SCAPER: variants seen among roughly 807,000 people sequenced by gnomAD.
SCAPER encodes S-phase cyclin A associated protein in the ER, also known as S phase cyclin A-associated protein in the endoplasmic reticulum.
SCAPER carries 98 observed loss-of-function variants against 182.2 expected under a neutral mutation model. The observed-to-expected ratio is 0.54, with a 90% CI of 0.46 to 0.64. The LOEUF (loss-of-function observed/expected upper bound fraction) is 0.64. Among genes scored for constraint, SCAPER ranks in the 30% least tolerant of loss-of-function variants. SCAPER has a pLI of 0.00. For missense variants in SCAPER, 1,432 were observed against 1,690.0 expected, an observed-to-expected ratio of 0.85 and a Z score of 2.68; for synonymous variants, 605 against 564.6, an observed-to-expected ratio of 1.07 and a Z score of -1.01.
At chr15:76,364,101 A>G (rs139921082) in intron 29 of SCAPER, among the ~76,000 whole-genome samples, 3 of 152,360 alleles carry the variant, frequency 2.0e-5, no homozygotes, top group Non-Finnish European at 4.4e-5. Context: ...AGAAAAGTTT[A>G]AAGAGTCTAT....
intron 29 of SCAPER, among the ~76,000 whole-genome samples, chr15:76,363,055 G>C (rs1462740719): frequency 1.3e-5 from 2 of 152,192 alleles, no homozygotes; most frequent in Non-Finnish European, 2.9e-5. Context: ...GCCTGCCACA[G>C]ACCAGAAGAC....
chr15:76,434,354 C>A (rs1299253184), intron 25 of SCAPER, 44 bp from the exon 26 acceptor site: 2 of 1,360,216 alleles, frequency 1.5e-6, no homozygotes, highest in South Asian at 2.6e-5. Context: ...AATAAAACCA[C>A]CAAAAATGGG....
chr15:76,587,281 A>C (rs1365079504), intron 22 of SCAPER, among the ~76,000 whole-genome samples: 2 of 151,776 alleles, frequency 1.3e-5, no homozygotes. Context: ...TTTGGTTTCT[A>C]TTTCATTTAG....
intron 20 of SCAPER, among the ~76,000 whole-genome samples, chr15:76,672,357 CAAAT>C (rs1344770686): frequency 3.3e-5 from 5 of 151,996 alleles, no homozygotes; most frequent in African/African-American, 9.7e-5. Flanking sequence ...CAGAAGAAAA[CAAAT>C]AAGCTGAATA....
Position 76,666,777 on chromosome 15 carries a change from C to T in SCAPER, c.2509-988G>A, listed in dbSNP as rs1368816156. Among the ~76,000 whole-genome samples, 4 of 152,268 alleles carry T rather than the reference C, an allele frequency of 2.6e-5. No individual in the cohort carries two copies. In the East Asian group the frequency reaches 5.8e-4, roughly 22 times the overall value. On this transcript the variant is annotated intron_variant, in intron 20 of 31. Transcript: ENST00000563290. ...ACTATGTTTATTTGATTAAGGAAAA[C>T]AGCATTATTCAGACGAGAGCTTCCA...
chr15:76,815,972 C>T (rs2067044538), intron 5 of SCAPER, among the ~76,000 whole-genome samples: 1 of 152,088 alleles, frequency 6.6e-6, no homozygotes, highest in African/African-American at 2.4e-5. Flanking sequence ...AGAAAATCTA[C>T]AGTAAAAATA....
chr15:76,606,315 A>G (rs1396190593), intron 22 of SCAPER, among the ~76,000 whole-genome samples: 1 of 152,100 alleles, frequency 6.6e-6, no homozygotes, highest in Non-Finnish European at 1.5e-5. Context: ...TTCAGTTTCC[A>G]TGTAGTTGAG....
intron 20 of SCAPER, among the ~76,000 whole-genome samples, chr15:76,681,245 C>A (rs547537188): frequency 6.6e-6 from 1 of 152,110 alleles, no homozygotes; most frequent in East Asian, 1.9e-4. Context: ...GGAGAACTTA[C>A]CCAATTTTCA....
intron 26 of SCAPER, among the ~76,000 whole-genome samples, chr15:76,411,068 TACTC>T (rs1025461066): frequency 3.3e-5 from 5 of 152,168 alleles, no homozygotes; most frequent in African/African-American, 1.2e-4. Flanking sequence ...ATATAGAACA[TACTC>T]ATCATCACAG....
chr15:76,811,555 C>G (rs1221282784), intron 5 of SCAPER, among the ~76,000 whole-genome samples: 2 of 152,166 alleles, frequency 1.3e-5, no homozygotes, highest in African/African-American at 4.8e-5. Flanking sequence ...GTTTGGGAGG[C>G]CAAGGCTGGT....
At chr15:76,539,519 T>C (rs1393110915) in intron 23 of SCAPER, among the ~76,000 whole-genome samples, 2 of 151,648 alleles carry the variant, frequency 1.3e-5, no homozygotes, top group Non-Finnish European at 1.5e-5. Flanking sequence ...TTTTAACACA[T>C]CTGAAGTTTC....
Position 76,813,239 on chromosome 15 carries a change from A to AC in SCAPER, c.394-8607_394-8606insG, listed in dbSNP as rs2066788937. ...AATATCCTTTCACTAAAAAAAAAAA[A>AC]AAAAAAAAAAAAAAAACAACTCAAC... On this transcript the variant is annotated intron_variant, in intron 5 of 31. Transcript: ENST00000563290. Among the ~76,000 whole-genome samples, 9 of 100,862 alleles carry AC rather than the reference A, an allele frequency of 8.9e-5. No individual in the cohort carries two copies. The South Asian group carries it at 2.0e-3, about 23-fold the overall frequency. 66.2% of individuals were successfully genotyped at this position (100,862 alleles called of 152,430 possible).
chr15:76,531,249 T>C (rs955736707), intron 23 of SCAPER, among the ~76,000 whole-genome samples: 1 of 152,110 alleles, frequency 6.6e-6, no homozygotes, highest in African/African-American at 2.4e-5. Flanking sequence ...CTACTAAAGC[T>C]GGAAAAGGAA....
chr15:76,478,351 T>C (rs1257646851), intron 24 of SCAPER, among the ~76,000 whole-genome samples: 1 of 152,202 alleles, frequency 6.6e-6, no homozygotes, highest in East Asian at 1.9e-4. Context: ...AGCTTAACTT[T>C]TATCTTCCAT....
intron 27 of SCAPER, among the ~76,000 whole-genome samples, chr15:76,391,823 G>C (rs989040569): frequency 6.6e-5 from 10 of 152,146 alleles, no homozygotes; most frequent in Non-Finnish European, 1.2e-4. Context: ...ATGTATACAA[G>C]GAAAGAGAAA....
chr15:76,718,785 A>G (rs1232628502), intron 17 of SCAPER, among the ~76,000 whole-genome samples: 3 of 152,234 alleles, frequency 2.0e-5, no homozygotes, highest in Admixed American at 6.5e-5. Context: ...AGTCATAGTC[A>G]GTAGATATAT....
chr15:76,641,068 T>A (rs1488141842), intron 21 of SCAPER, among the ~76,000 whole-genome samples: 1 of 152,200 alleles, frequency 6.6e-6, no homozygotes, highest in Non-Finnish European at 1.5e-5. Context: ...CTTCTAGGCC[T>A]CTTTAGGGTT....
At chr15:76,710,300 C>G in intron 17 of SCAPER, among the ~76,000 whole-genome samples, 1 of 152,062 alleles carries the variant, frequency 6.6e-6, no homozygotes, top group Non-Finnish European at 1.5e-5. Flanking sequence ...TAATAAAAAA[C>G]CTATCCAAAC....
At chr15:76,670,849 AAG>A (rs1205608122) in intron 20 of SCAPER, among the ~76,000 whole-genome samples, 1 of 152,168 alleles carries the variant, frequency 6.6e-6, no homozygotes, top group Non-Finnish European at 1.5e-5. Context: ...TGCTTCTTCT[AAG>A]AGAGAGATCA....
Sources: allele counts gnomAD v4.1 joint callset (sites outside exome capture counted in the v4.1 genomes callset), GRCh38; gene constraint gnomAD v4.1.1; transcripts MANE v1.5; gene names NCBI Gene and HGNC (gene_info 2026-07-23, HGNC 2026-07-21).